The following FBXL2 variants were observed in gnomAD, a reference collection of about 807,000 sequenced individuals.
FBXL2 encodes the protein F-box and leucine rich repeat protein 2, also known as F-box/LRR-repeat protein 2.
FBXL2 carries 38 observed loss-of-function variants against 69.2 expected under a neutral mutation model. The observed-to-expected ratio is 0.55, with a 90% CI of 0.42 to 0.72. The LOEUF is 0.72. FBXL2 is among the 30% of genes least tolerant of loss of function. FBXL2 has a pLI of 0.00. For missense variants in FBXL2, 354 were observed against 520.3 expected (o/e 0.68, Z 3.11); for synonymous variants, 192 against 201.3 (o/e 0.95, Z 0.39).
intron 2 of FBXL2, among the ~76,000 whole-genome samples, chr3:33,328,800 C>CGTGTGT (rs1307108395): frequency 1.5e-4 from 19 of 125,230 alleles, no homozygotes; most frequent in Admixed American, 2.7e-4. Flanking sequence ...TGTGTGTGTG[C>CGTGTGT]ATGTGTGTGT....
At chr3:33,378,636 AT>A (rs1400937877) in intron 12 of FBXL2, 48 bp from the exon 13 acceptor site, 2 of 1,574,808 alleles carry the variant, frequency 1.3e-6, no homozygotes, top group South Asian at 2.4e-5. Context: ...AGGATTAGGT[AT>A]TAAGTTCTGG....
chr3:33,372,093 T>TTTG (rs1185504481), intron 5 of FBXL2, among the ~76,000 whole-genome samples: 1 of 152,102 alleles, frequency 6.6e-6, no homozygotes, highest in Non-Finnish European at 1.5e-5. Context: ...CTGAATTCTT[T>TTTG]TTGTTGTTGT....
At chr3:33,334,485 T>A (rs2039408192) in intron 2 of FBXL2, among the ~76,000 whole-genome samples, 1 of 152,144 alleles carries the variant, frequency 6.6e-6, no homozygotes, top group Non-Finnish European at 1.5e-5. Context: ...TAACAGAAAT[T>A]ATTCAAACTG....
intron 2 of FBXL2, among the ~76,000 whole-genome samples, chr3:33,341,450 T>C (rs898418820): frequency 3.3e-5 from 5 of 152,048 alleles, no homozygotes; most frequent in African/African-American, 7.2e-5. Flanking sequence ...AATTGAATAA[T>C]AAATACAGAA....
intron 2 of FBXL2, among the ~76,000 whole-genome samples, chr3:33,307,229 T>G (rs905310346): frequency 3.9e-5 from 6 of 152,188 alleles, no homozygotes; most frequent in African/African-American, 1.2e-4. Context: ...TCATGCGATG[T>G]AGAGCACAAT....
chr3:33,387,482 A>ATCTC lies in FBXL2; in HGVS notation c.*1875_*1878dup, dbSNP rs940718800. On this transcript the variant is annotated 3_prime_UTR_variant, in exon 15 of 15. Coordinates refer to ENST00000484457, the MANE Select transcript of FBXL2 (RefSeq NM_012157.5). ...CCGGGCGTGGTGCTGGGCACCTGTA[A>ATCTC]TCTCAGCTACTCGGGAGGCTGAAGC... 57 of 152,294 alleles carry ATCTC rather than the reference A, an allele frequency of 3.7e-4. No individual in the cohort carries two copies. The highest frequency in any genetic ancestry group is 1.3e-3 in the African/African-American group (53 of 41,534). 9.4% of individuals were successfully genotyped at this position (152,294 alleles called of 1,614,324 possible). A position where few individuals can be genotyped will look rare whatever the true frequency, so the allele number is the denominator to read the frequency against.
intron 1 of FBXL2, among the ~76,000 whole-genome samples, chr3:33,287,469 A>G (rs2034765258): frequency 6.6e-6 from 1 of 151,970 alleles, no homozygotes; most frequent in Admixed American, 6.6e-5. Context: ...TTTGTTATTT[A>G]ATTTTATTTA....
intron 2 of FBXL2, 156 bp downstream of exon 2, chr3:33,297,881 C>G: frequency 1.5e-6 from 1 of 667,178 alleles, no homozygotes; most frequent in Non-Finnish European, 2.8e-6. Flanking sequence ...TGCTGTTCAG[C>G]TTGTTGTTAA....
chr3:33,418,832 C>G, the FBXL2 span, among the ~76,000 whole-genome samples: 1 of 145,386 alleles, frequency 6.9e-6, no homozygotes, highest in African/African-American at 2.6e-5. Flanking sequence ...GCACTACAGC[C>G]CAGGCAACAA....
chr3:33,416,686 T>A, the FBXL2 span: 2 of 1,218,100 alleles, frequency 1.6e-6, no homozygotes, highest in South Asian at 2.9e-5. Flanking sequence ...GAAGTGAAAT[T>A]AATTTTTTTT....
chr3:33,361,110 T>A (rs1158010268), intron 4 of FBXL2, among the ~76,000 whole-genome samples: 1 of 147,596 alleles, frequency 6.8e-6, no homozygotes, highest in East Asian at 2.0e-4. Context: ...TTTTTTTTTT[T>A]TTTTTTTTGT....
the FBXL2 span, among the ~76,000 whole-genome samples, chr3:33,418,942 G>A: frequency 2.0e-5 from 3 of 150,972 alleles, no homozygotes; most frequent in African/African-American, 7.3e-5. Context: ...AAATGGACAT[G>A]TGGGTTCACA....
At position 33,384,204 on chromosome 3, in the gene FBXL2, A is replaced by G. The variant is rs2043253869; in HGVS notation, c.1164+3A>G. 1.9e-6 allele frequency: 3 copies of G among 1,613,704 alleles called. No homozygotes were observed. Among genetic ancestry groups the G allele is most frequent in the African/African-American group, 1.3e-5 (1 of 75,040 alleles). ...GTGCAGGCATCAAGCGGATGCGGGT[A>G]GGTATGGGGCAGGGGAGTCAGTCAC... On this transcript the variant is annotated splice_donor_region_variant and intron_variant, in intron 14 of 14. Transcript: ENST00000484457.
chr3:33,372,067 A>G (rs2042335950), intron 5 of FBXL2, among the ~76,000 whole-genome samples: 1 of 152,132 alleles, frequency 6.6e-6, no homozygotes, highest in Non-Finnish European at 1.5e-5. Flanking sequence ...ACATGCATAC[A>G]TTGATCAGTG....
chr3:33,291,673 T>C (rs1380356276), intron 1 of FBXL2, among the ~76,000 whole-genome samples: 1 of 151,232 alleles, frequency 6.6e-6, no homozygotes, highest in Non-Finnish European at 1.5e-5. Context: ...AAAGCAAACA[T>C]TGAAAAAAAA....
chr3:33,403,580 G>GTCTATCTATCTATCTATCTA (rs1422365561), exon 13 of FBXL2: 7 of 147,156 alleles, frequency 4.8e-5, no homozygotes, highest in South Asian at 2.2e-4. Flanking sequence ...CTGTCTGTCT[G>GTCTATCTATCTATCTATCTA]TCTGTCTATC....
At chr3:33,290,348 A>T (rs1343910519) in intron 1 of FBXL2, among the ~76,000 whole-genome samples, 1 of 152,214 alleles carries the variant, frequency 6.6e-6, no homozygotes, top group East Asian at 1.9e-4. Flanking sequence ...TCCTTTATGG[A>T]GATAAATTAA....
chr3:33,362,416 A>G (rs2041687155), intron 4 of FBXL2, among the ~76,000 whole-genome samples: 1 of 152,238 alleles, frequency 6.6e-6, no homozygotes, highest in South Asian at 2.1e-4. Flanking sequence ...AAGCATGCCT[A>G]TAACATATTG....
intron 2 of FBXL2, among the ~76,000 whole-genome samples, chr3:33,309,259 A>G (rs1020175470): frequency 1.3e-5 from 2 of 152,110 alleles, no homozygotes; most frequent in African/African-American, 2.4e-5. Flanking sequence ...CTTCAGATCT[A>G]TTAATATTTG....
Sources: gnomAD v4.1 joint callset for allele counts (sites outside exome capture counted in the v4.1 genomes callset) on GRCh38, gnomAD v4.1.1 for gene constraint, MANE v1.5 for transcripts, NCBI Gene and HGNC (gene_info 2026-07-23, HGNC 2026-07-21) for gene names.